The following LIPA variants were observed in gnomAD, a reference collection of about 807,000 sequenced individuals.
LIPA encodes the protein lysosomal acid lipase/cholesteryl ester hydrolase.
Under a neutral mutation model 40.6 loss-of-function variants are expected in LIPA, and 26 were observed. That is an observed-to-expected ratio of 0.64 (90% confidence interval 0.47 to 0.89). LIPA has a LOEUF of 0.89. LIPA is among the 40% of genes least tolerant of loss of function. The pLI is 0.00. For missense variants in LIPA, 455 were observed against 479.6 expected (o/e 0.95, Z 0.48); for synonymous variants, 188 against 168.4 (o/e 1.12, Z -0.90).
At chr10:89,327,718 T>C (rs1258077971) in intron 1 of LIPA, among the ~76,000 whole-genome samples, 2 of 152,208 alleles carry the variant, frequency 1.3e-5, no homozygotes, top group East Asian at 3.8e-4. Context: ...TTGGTGAGTA[T>C]GGCCTTAGAA....
intron 1 of LIPA, chr10:89,308,995 C>A (rs903104978): frequency 6.6e-6 from 1 of 152,170 alleles, no homozygotes; most frequent in Admixed American, 6.6e-5. Context: ...ATAAATGAAA[C>A]GTTACACAGG....
intron 2 of LIPA, chr10:89,402,491 G>A (rs746516560): frequency 6.2e-7 from 1 of 1,614,164 alleles, no homozygotes; most frequent in Admixed American, 1.7e-5. Context: ...AGGAAGCCCT[G>A]AAGAGCTTAA....
intron 1 of LIPA, among the ~76,000 whole-genome samples, chr10:89,326,224 T>C (rs777955098): frequency 7.9e-5 from 12 of 152,208 alleles, no homozygotes; most frequent in Admixed American, 1.3e-4. Flanking sequence ...ACAGAAAATG[T>C]GGTACATTTA....
chr10:89,283,730 C>G (rs117057454), intron 1 of LIPA: 1 of 152,176 alleles, frequency 6.6e-6, no homozygotes. Context: ...GATACACTTC[C>G]ATTTCATATT....
At chr10:89,269,895 G>C (rs540788660) in intron 1 of LIPA, among the ~76,000 whole-genome samples, 140 of 152,286 alleles carry the variant, frequency 9.2e-4, no homozygotes, top group Admixed American at 2.6e-3. Flanking sequence ...GAGCCACTAA[G>C]GTCTTCAGTT....
At chr10:89,266,451 A>G (rs1303149765) in intron 1 of LIPA, among the ~76,000 whole-genome samples, 1 of 152,266 alleles carries the variant, frequency 6.6e-6, no homozygotes, top group African/African-American at 2.4e-5. Flanking sequence ...ACATTATTTT[A>G]TGCACAAAAT....
At chr10:89,228,737 A>G (rs1842803355) in intron 3 of LIPA, among the ~76,000 whole-genome samples, 1 of 152,220 alleles carries the variant, frequency 6.6e-6, no homozygotes, top group Non-Finnish European at 1.5e-5. Flanking sequence ...TGCTTTCGTA[A>G]TTGCATTTCT....
At chr10:89,358,707 C>T (rs943871018) in intron 2 of LIPA, among the ~76,000 whole-genome samples, 11 of 151,988 alleles carry the variant, frequency 7.2e-5, no homozygotes, top group African/African-American at 2.7e-4. Flanking sequence ...CAATCATATG[C>T]GGGAACTAAG....
chr10:89,335,419 G>A (rs539822637), intron 1 of LIPA: 3 of 151,656 alleles, frequency 2.0e-5, no homozygotes, highest in African/African-American at 7.3e-5. Context: ...GATATCTTCT[G>A]AAGCTGACAC....
intron 2 of LIPA, among the ~76,000 whole-genome samples, chr10:89,382,340 A>G (rs1209333804): frequency 2.0e-5 from 3 of 152,234 alleles, no homozygotes; most frequent in Non-Finnish European, 4.4e-5. Context: ...ATATACTTAC[A>G]TAGGATGTGA....
At chr10:89,340,419 G>T in intron 1 of LIPA, 1 of 200,324 alleles carries the variant, frequency 5.0e-6, no homozygotes, top group South Asian at 1.2e-4. Flanking sequence ...TTAGCCAGGC[G>T]TGGTGGCTGG....
chr10:89,263,586 G>A (rs1258130715), intron 1 of LIPA, among the ~76,000 whole-genome samples: 2 of 152,246 alleles, frequency 1.3e-5, no homozygotes, highest in African/African-American at 4.8e-5. Flanking sequence ...AAAGTTGCTT[G>A]AGAAGCATAG....
intron 1 of LIPA, among the ~76,000 whole-genome samples, chr10:89,292,652 T>G (rs750972618): frequency 2.0e-5 from 3 of 152,196 alleles, no homozygotes; most frequent in Non-Finnish European, 4.4e-5. Context: ...TGGTAAATAC[T>G]AACATAATTC....
intron 1 of LIPA, among the ~76,000 whole-genome samples, chr10:89,291,166 T>A (rs945148660): frequency 2.6e-5 from 4 of 152,026 alleles, no homozygotes; most frequent in African/African-American, 9.7e-5. Flanking sequence ...ATTCCTTTTT[T>A]CCTTCCTTCT....
chr10:89,324,604 T>C (rs1366674073), intron 1 of LIPA, among the ~76,000 whole-genome samples: 1 of 152,168 alleles, frequency 6.6e-6, no homozygotes, highest in Non-Finnish European at 1.5e-5. Flanking sequence ...GGAGAAAATA[T>C]CTGCAAACTA....
At chr10:89,234,164 C>G (rs929900859) in intron 3 of LIPA, among the ~76,000 whole-genome samples, 1 of 152,196 alleles carries the variant, frequency 6.6e-6, no homozygotes. Flanking sequence ...ACATAGGAGC[C>G]AGATGAATAA....
At chr10:89,394,510 A>AT (rs1844304578) in intron 2 of LIPA, among the ~76,000 whole-genome samples, 1 of 150,110 alleles carries the variant, frequency 6.7e-6, no homozygotes, top group Non-Finnish European at 1.5e-5. Context: ...TGATTATTTC[A>AT]GATGGCAAAC....
chr10:89,362,896 A>G, intron 2 of LIPA: 1 of 281,994 alleles, frequency 3.5e-6, no homozygotes, highest in East Asian at 6.3e-5. Context: ...ACAGACAGTA[A>G]TGAGACATTT....
intron 2 of LIPA, chr10:89,362,845 G>T: frequency 2.9e-6 from 1 of 348,154 alleles, no homozygotes; most frequent in Non-Finnish European, 5.5e-6. Context: ...TTCAGCACTG[G>T]GTATGTCATC....
Sources: gnomAD v4.1 joint callset for allele counts (sites outside exome capture counted in the v4.1 genomes callset) on GRCh38, gnomAD v4.1.1 for gene constraint, MANE v1.5 for transcripts, NCBI Gene and HGNC (gene_info 2026-07-23, HGNC 2026-07-21) for gene names.